Variants in PPFIA2 observed in about 807,000 individuals in gnomAD.
The protein encoded by PPFIA2 is PPFI scaffold protein A2.
In PPFIA2, 46 loss-of-function variants were observed where a neutral mutation model predicts 175.5. The observed-to-expected ratio is 0.26, with a 90% CI of 0.21 to 0.34. The LOEUF is 0.34. Ranked by LOEUF, PPFIA2 falls within the 10% of genes least tolerant of loss-of-function variation. The pLI, the probability that PPFIA2 is intolerant of heterozygous loss-of-function variation, is 1.00. For missense variants in PPFIA2, 1,179 were observed against 1,506.1 expected (o/e 0.78, Z 3.60); for synonymous variants, 568 against 511.4 (o/e 1.11, Z -1.49).
chr12:81,521,476 C>A (rs1452982183), intron 4 of PPFIA2, among the ~76,000 whole-genome samples: 1 of 152,106 alleles, frequency 6.6e-6, no homozygotes, highest in Non-Finnish European at 1.5e-5. Context: ...AATATACTAA[C>A]ATTTTCTTAT....
intron 4 of PPFIA2, among the ~76,000 whole-genome samples, chr12:81,458,277 C>T (rs2053921860): frequency 6.6e-6 from 1 of 151,768 alleles, no homozygotes; most frequent in African/African-American, 2.4e-5. Context: ...AAAAACCCTG[C>T]TAAACATGCT....
At chr12:81,297,802 G>A (rs1401841486) in intron 23 of PPFIA2, among the ~76,000 whole-genome samples, 4 of 152,330 alleles carry the variant, frequency 2.6e-5, no homozygotes, top group Non-Finnish European at 5.9e-5. Flanking sequence ...GGCATGTGAA[G>A]CATGGAATTC....
rs145780128 is a variant in PPFIA2, at chr12:81,345,499, A to T, written c.2233-806T>A. Among the ~76,000 whole-genome samples the T allele has an allele frequency of 3.5e-3, 535 of 151,812 alleles. 4 individuals are homozygous for T. The highest frequency in any genetic ancestry group is 0.032 in the East Asian group (168 of 5,172). On this transcript the variant is annotated intron_variant, in intron 18 of 32. Transcript: ENST00000549396. ...ATCTTTCTCTCTCTCTCTGTCTCTC[A>T]CACACACACACAATCACATCTAAAG...
At chr12:81,754,615 C>T (rs917570364) in intron 2 of PPFIA2, among the ~76,000 whole-genome samples, 1 of 152,128 alleles carries the variant, frequency 6.6e-6, no homozygotes, top group African/African-American at 2.4e-5. Context: ...TTATGTTACC[C>T]TTATTTGTTA....
chr12:81,511,996 G>A (rs1381755435), intron 4 of PPFIA2, among the ~76,000 whole-genome samples: 1 of 151,668 alleles, frequency 6.6e-6, no homozygotes, highest in East Asian at 1.9e-4. Flanking sequence ...TGTGACACAA[G>A]GCATGAAAAA....
intron 4 of PPFIA2, among the ~76,000 whole-genome samples, chr12:81,576,523 G>A (rs2073577526): frequency 6.6e-6 from 1 of 151,590 alleles, no homozygotes; most frequent in Non-Finnish European, 1.5e-5. Context: ...TATTTTTACT[G>A]TTTTTCTGGG....
At chr12:81,606,019 G>A (rs565594854) in intron 4 of PPFIA2, among the ~76,000 whole-genome samples, 1 of 151,956 alleles carries the variant, frequency 6.6e-6, no homozygotes, top group South Asian at 2.1e-4. Context: ...CTATGTTGAC[G>A]TCCCTCTGTA....
At chr12:81,630,890 TATATATATA>T (rs2063298891) in intron 4 of PPFIA2, among the ~76,000 whole-genome samples, 2 of 61,652 alleles carry the variant, frequency 3.2e-5, no homozygotes, top group African/African-American at 8.6e-5. Context: ...GCTATATATA[TATATATATA>T]TTTTTTTTTT....
At chr12:81,367,606 C>T (rs557933898) in intron 13 of PPFIA2, among the ~76,000 whole-genome samples, 31 of 151,604 alleles carry the variant, frequency 2.0e-4, no homozygotes, top group African/African-American at 7.2e-4. Flanking sequence ...TAAAATTTCA[C>T]TTTCTGGACA....
At chr12:81,436,277 T>C (rs1278359686) in intron 7 of PPFIA2, among the ~76,000 whole-genome samples, 2 of 57,028 alleles carry the variant, frequency 3.5e-5, no homozygotes, top group South Asian at 8.8e-4. Context: ...TGAGACCCTG[T>C]CTAAAAAAAA....
rs574333522 is a variant in PPFIA2, at chr12:81,715,899, T to C, written c.249+38074A>G. On this transcript the variant is annotated intron_variant, in intron 3 of 32. Transcript: ENST00000549396. Reference sequence around the variant, plus strand: ...ACAATTATAGTTTCTTACAAATGACTGACCTTAATAAACAATTTTTTTAAA... The same window carrying C: ...ACAATTATAGTTTCTTACAAATGACCGACCTTAATAAACAATTTTTTTAAA... Among the ~76,000 whole-genome samples the C allele has an allele frequency of 2.4e-3, 360 of 151,732 alleles. 2 individuals are homozygous for C. The highest frequency in any genetic ancestry group is 8.4e-3 in the African/African-American group (350 of 41,514).
chr12:81,479,336 G>T (rs767354330), intron 4 of PPFIA2, among the ~76,000 whole-genome samples: 1 of 152,074 alleles, frequency 6.6e-6, no homozygotes, highest in Non-Finnish European at 1.5e-5. Flanking sequence ...ATGTGAGATG[G>T]TTCTCCTGAA....
chr12:81,421,709 C>T (rs2046273187), intron 7 of PPFIA2, among the ~76,000 whole-genome samples: 1 of 151,812 alleles, frequency 6.6e-6, no homozygotes, highest in Admixed American at 6.6e-5. Flanking sequence ...TTTAAATATA[C>T]ATGAATTAAA....
intron 3 of PPFIA2, among the ~76,000 whole-genome samples, chr12:81,699,730 T>A (rs1322661700): frequency 1.3e-5 from 2 of 151,982 alleles, no homozygotes; most frequent in Non-Finnish European, 2.9e-5. Flanking sequence ...TTAAGCAATT[T>A]CAATTATTCT....
At chr12:81,345,833 C>G (rs1458084087) in intron 18 of PPFIA2, among the ~76,000 whole-genome samples, 1 of 152,070 alleles carries the variant, frequency 6.6e-6, no homozygotes, top group African/African-American at 2.4e-5. Flanking sequence ...TCCTAAATTT[C>G]TAAAATAAGC....
At chr12:81,614,190 T>TC (rs2061215834) in intron 4 of PPFIA2, among the ~76,000 whole-genome samples, 1 of 152,080 alleles carries the variant, frequency 6.6e-6, no homozygotes, top group Non-Finnish European at 1.5e-5. Flanking sequence ...AGTATGCTAA[T>TC]CCCCCTGCAC....
chr12:81,557,618 T>A (rs1055497343), intron 4 of PPFIA2, among the ~76,000 whole-genome samples: 1 of 152,070 alleles, frequency 6.6e-6, no homozygotes, highest in East Asian at 1.9e-4. Context: ...GGAATCAGCA[T>A]TATTTCAGCA....
chr12:81,714,867 A>C (rs919383942), intron 3 of PPFIA2, among the ~76,000 whole-genome samples: 2 of 151,222 alleles, frequency 1.3e-5, no homozygotes, highest in African/African-American at 2.4e-5. Flanking sequence ...TTATGCAAAT[A>C]AAAGCTCTAT....
intron 7 of PPFIA2, among the ~76,000 whole-genome samples, chr12:81,424,562 G>T (rs1288438903): frequency 5.3e-5 from 8 of 152,042 alleles, no homozygotes; most frequent in South Asian, 2.1e-4. Flanking sequence ...TCTAGAGTCT[G>T]CTTTTTGTAC....
Sources: allele counts gnomAD v4.1 joint callset (sites outside exome capture counted in the v4.1 genomes callset), GRCh38; gene constraint gnomAD v4.1.1; transcripts MANE v1.5; gene names NCBI Gene and HGNC (gene_info 2026-07-23, HGNC 2026-07-21).